CHN2: variants seen among roughly 807,000 people sequenced by gnomAD.
CHN2 encodes the protein beta-chimaerin.
Under a neutral mutation model 56.3 loss-of-function variants are expected in CHN2, and 35 were observed. That is an observed-to-expected ratio of 0.62 (90% CI 0.47 to 0.82). CHN2 has a LOEUF of 0.82. Ranked by LOEUF, CHN2 falls within the 40% of genes least tolerant of loss-of-function variation. The pLI is 0.00. For synonymous variants in CHN2, 210 were observed against 212.8 expected (o/e 0.99, Z 0.12); for missense variants, 491 against 580.5 (o/e 0.85, Z 1.58).
Position 29,176,283 on chromosome 7 carries a change from C to T in CHN2, c.274+29323C>T, listed in dbSNP as rs573217094. Among the ~76,000 whole-genome samples the T allele has an allele frequency of 2.5e-3, 378 of 151,834 alleles. 3 individuals carry two copies. The highest frequency in any genetic ancestry group is 8.0e-3 in the African/African-American group (330 of 41,420). On this transcript the variant is annotated intron_variant, in intron 2 of 6. Coordinates refer to the CHN2 transcript ENST00000439384. ...GAGAAGTCAAGAAGGCCAATAGGTC[C>T]TGAGCAGGATAAATAAAAATAAAGT...
At chr7:29,427,057 C>A (rs1804932855) in intron 6 of CHN2, among the ~76,000 whole-genome samples, 1 of 152,188 alleles carries the variant, frequency 6.6e-6, no homozygotes, top group Admixed American at 6.5e-5. Context: ...GTGGCTCATG[C>A]CTATAATCCC....
At chr7:29,242,291 CTG>C (rs1024918346) in intron 1 of CHN2, among the ~76,000 whole-genome samples, 8 of 152,210 alleles carry the variant, frequency 5.3e-5, no homozygotes, top group African/African-American at 1.9e-4. Flanking sequence ...CAACCAGAGA[CTG>C]TGCTGCTGTG....
chr7:29,287,533 CAT>C (rs1182049738), intron 1 of CHN2, among the ~76,000 whole-genome samples: 1 of 152,138 alleles, frequency 6.6e-6, no homozygotes, highest in Non-Finnish European at 1.5e-5. Context: ...TCAGGTGAGT[CAT>C]GTGAAATGCT....
intron 1 of CHN2, among the ~76,000 whole-genome samples, chr7:29,235,192 A>AG (rs1787095815): frequency 6.6e-6 from 1 of 152,228 alleles, no homozygotes; most frequent in African/African-American, 2.4e-5. Context: ...AGCAAAAAAA[A>AG]CAAACAACCC....
intron 1 of CHN2, chr7:29,146,782 C>A (rs774411782): frequency 6.5e-7 from 1 of 1,549,094 alleles, no homozygotes; most frequent in Non-Finnish European, 8.7e-7. Flanking sequence ...GATTTTGTCT[C>A]CCAGTTTTTA....
intron 1 of CHN2, among the ~76,000 whole-genome samples, chr7:29,303,348 G>A (rs1442158108): frequency 6.6e-6 from 1 of 152,162 alleles, no homozygotes; most frequent in Non-Finnish European, 1.5e-5. Context: ...ACCTGTTCTT[G>A]TGATGTGCTG....
chr7:29,435,728 G>C (rs1003689373), intron 6 of CHN2, among the ~76,000 whole-genome samples: 30 of 152,042 alleles, frequency 2.0e-4, no homozygotes, highest in African/African-American at 7.2e-4. Context: ...AAGCCCTCCA[G>C]GTAACTCTGA....
intron 1 of CHN2, chr7:29,292,891 T>C: frequency 2.2e-6 from 1 of 456,324 alleles, no homozygotes; most frequent in Non-Finnish European, 4.4e-6. Flanking sequence ...CAATAACCTC[T>C]TAACTGGCTG....
intron 6 of CHN2, among the ~76,000 whole-genome samples, chr7:29,463,076 T>G (rs1303870805): frequency 6.6e-6 from 1 of 151,918 alleles, no homozygotes; most frequent in African/African-American, 2.4e-5. Context: ...AGCCCTAGAA[T>G]TCCAACACAA....
At chr7:29,167,134 C>T (rs1016038704) in intron 2 of CHN2, among the ~76,000 whole-genome samples, 3 of 152,140 alleles carry the variant, frequency 2.0e-5, no homozygotes, top group Non-Finnish European at 4.4e-5. Context: ...TACCTTGATA[C>T]ACTCAAAGTG....
Position 29,384,491 on chromosome 7 carries a change from A to G in CHN2, c.145-9188A>G, listed in dbSNP as rs867699510. On this transcript the variant is annotated intron_variant, in intron 3 of 12. Transcript: ENST00000222792. ...TACCCACACTGAAGGCACTTGTTAA[A>G]TGTTGGCTCCTCCTCTGCTCCTCCT... Among the ~76,000 whole-genome samples, 8 of 152,212 alleles carry G rather than the reference A, an allele frequency of 5.3e-5. 1 individual carries two copies. The South Asian group carries it at 1.7e-3, about 32-fold the overall frequency.
At position 29,512,773 on chromosome 7, in the gene CHN2, C is replaced by G. The variant is rs1791646325; in HGVS notation, c.*38C>G. Reference sequence around the variant, plus strand: ...ATGAGCTGAATGGCCCCAGCACCATCCAAGTTGACACAGCTAAAGGAATAA... The same window carrying G: ...ATGAGCTGAATGGCCCCAGCACCATGCAAGTTGACACAGCTAAAGGAATAA... On this transcript the variant is annotated 3_prime_UTR_variant, in exon 13 of 13. Transcript: ENST00000222792. 6.3e-7 allele frequency: 1 copy of G among 1,583,084 alleles called. No individual in the cohort carries two copies. The highest frequency in any genetic ancestry group is 1.4e-5 in the African/African-American group (1 of 73,332).
At chr7:29,417,333 C>CT (rs5883209) in intron 6 of CHN2, among the ~76,000 whole-genome samples, 2,026 of 121,128 alleles carry the variant, frequency 0.017, 26 homozygotes, top group Middle Eastern at 0.031. Context: ...TACTGTAACC[C>CT]TTTTTTTTTT....
At chr7:29,379,795 C>G (rs190537076) in intron 3 of CHN2, among the ~76,000 whole-genome samples, 13 of 152,258 alleles carry the variant, frequency 8.5e-5, no homozygotes, top group Admixed American at 7.8e-4. Flanking sequence ...GTCGAAAACA[C>G]TATAAGCCAT....
chr7:29,475,761 A>G (rs1337179860), intron 6 of CHN2, among the ~76,000 whole-genome samples: 1 of 152,252 alleles, frequency 6.6e-6, no homozygotes, highest in Admixed American at 6.5e-5. Flanking sequence ...TCTAAAGAAA[A>G]AAGAAGCAGC....
chr7:29,496,491 T>C (rs1378336843), intron 8 of CHN2, among the ~76,000 whole-genome samples: 1 of 151,738 alleles, frequency 6.6e-6, no homozygotes, highest in East Asian at 1.9e-4. Flanking sequence ...CAACAGACCT[T>C]GGGGGAGATG....
intron 1 of CHN2, among the ~76,000 whole-genome samples, chr7:29,351,125 A>AAAAAG (rs1183516142): frequency 6.6e-6 from 1 of 151,810 alleles, no homozygotes; most frequent in Admixed American, 6.6e-5. Flanking sequence ...AAAAAAAAAA[A>AAAAAG]AAAAATTCCC....
chr7:29,293,112 C>A, intron 1 of CHN2: 1 of 427,334 alleles, frequency 2.3e-6, no homozygotes. Flanking sequence ...TGGCAGCACT[C>A]GTTTGCAGCT....
At chr7:29,203,085 A>G (rs760899796) in intron 1 of CHN2, among the ~76,000 whole-genome samples, 1 of 152,238 alleles carries the variant, frequency 6.6e-6, no homozygotes, top group African/African-American at 2.4e-5. Flanking sequence ...AATTCACACT[A>G]GAGTTCAAAC....
Sources: allele counts gnomAD v4.1 joint callset (sites outside exome capture counted in the v4.1 genomes callset), GRCh38; gene constraint gnomAD v4.1.1; transcripts MANE v1.5; gene names NCBI Gene and HGNC (gene_info 2026-07-23, HGNC 2026-07-21).